PSCA: variants seen among roughly 807,000 people sequenced by gnomAD.
The protein encoded by PSCA is prostate stem cell antigen.
A neutral mutation model predicts 7.9 loss-of-function variants in PSCA; 7 were observed. The ratio of observed to expected loss-of-function variants is 0.89; its 90% confidence interval spans 0.51 to 1.67. The LOEUF is 1.67. PSCA is among the 40% of genes most tolerant of loss of function. The pLI, the probability that PSCA is intolerant of heterozygous loss-of-function variation, is 0.00. For synonymous variants in PSCA, 61 were observed against 68.3 expected, an observed-to-expected ratio of 0.89 and a Z score of 0.53; for missense variants, 151 against 147.9, an observed-to-expected ratio of 1.02 and a Z score of -0.11.
rs147044195 is a variant in PSCA at position 142,673,111 on chromosome 8, C to T, written n.261+2543C>T. On this transcript the variant is annotated intron_variant and non_coding_transcript_variant, in intron 1 of 1. Coordinates refer to the PSCA transcript ENST00000505305. This position sits in a 1 kb window ranked among gnomAD's most constrained non-coding sequence, Gnocchi z 4.6. The stretch of plus-strand genomic sequence containing the variant: ...GCTTGCTTGTCTTATGTTTGCGGCT[C>T]GATTTTACAGGCTGCTCTTTGTTAG... Among the ~76,000 whole-genome samples the T allele has an allele frequency of 1.8e-3, 274 of 152,228 alleles. 2 individuals are homozygous for T. The highest frequency in any genetic ancestry group is 2.7e-3 in the Non-Finnish European group (181 of 68,008).
At position 142,681,509 on chromosome 8, in the gene PSCA, C is replaced by A. The variant is rs782478466; in HGVS notation, c.133+75C>A. Reference sequence around the variant, plus strand: ...ATTAATCTTTCTGGCCATCTGTCCGCATCTGTGTGCTGTTTTCCTTCCACC... The same window carrying A: ...ATTAATCTTTCTGGCCATCTGTCCGAATCTGTGTGCTGTTTTCCTTCCACC... On this transcript the variant is annotated intron_variant, in intron 2 of 2. Transcript: ENST00000301258. 3 of 1,350,474 alleles carry A rather than the reference C, an allele frequency of 2.2e-6. No homozygotes were observed. The South Asian group carries it at 3.8e-5, about 17-fold the overall frequency. The allele number at this position is 1,350,474 out of a possible 1,614,324, so 83.7% of individuals were successfully genotyped here. A position where few individuals can be genotyped will look rare whatever the true frequency, so the allele number is the denominator to read the frequency against.
intron 1 of PSCA, among the ~76,000 whole-genome samples, chr8:142,672,799 A>G (rs1471560045): frequency 6.6e-6 from 1 of 152,238 alleles, no homozygotes; most frequent in African/African-American, 2.4e-5. Context: ...AGACCCCAGC[A>G]GATTTTATAG....
chr8:142,677,944 G>A (rs1037853176), upstream of PSCA, among the ~76,000 whole-genome samples: 3 of 152,144 alleles, frequency 2.0e-5, no homozygotes, highest in Non-Finnish European at 4.4e-5. Context: ...TGGAGCCCCG[G>A]GGGAAGCCCA....
upstream of PSCA, among the ~76,000 whole-genome samples, chr8:142,678,023 A>G (rs116789700): frequency 8.3e-3 from 1,265 of 152,162 alleles, 20 homozygotes; most frequent in African/African-American, 0.029. Flanking sequence ...CCCCATCAGT[A>G]GTGTCACCTT....
At position 142,673,090 on chromosome 8, in the gene PSCA, G is replaced by T. The variant is rs1354850982; in HGVS notation, n.261+2522G>T. Reference sequence around the variant, plus strand: ...ATTCACGCGTGCAAGCTTCCAGCTTGCTTGTCTTATGTTTGCGGCTCGATT... The same window carrying T: ...ATTCACGCGTGCAAGCTTCCAGCTTTCTTGTCTTATGTTTGCGGCTCGATT... On this transcript the variant is annotated intron_variant and non_coding_transcript_variant, in intron 1 of 1. Transcript: ENST00000505305. This position sits in a 1 kb window ranked among gnomAD's most constrained non-coding sequence, Gnocchi z 4.6. Among the ~76,000 whole-genome samples, 2 of 152,162 alleles carry T rather than the reference G, an allele frequency of 1.3e-5. No individual in the cohort carries two copies. Among genetic ancestry groups the T allele is most frequent in the African/African-American group, 2.4e-5 (1 of 41,432 alleles).
intron 1 of PSCA, among the ~76,000 whole-genome samples, chr8:142,672,721 G>A (rs1847348625): frequency 6.6e-6 from 1 of 152,198 alleles, no homozygotes; most frequent in African/African-American, 2.4e-5. Context: ...ATAGACAGAA[G>A]AAAGGAGAGA....
upstream of PSCA, among the ~76,000 whole-genome samples, chr8:142,678,546 G>A (rs1165717480): frequency 2.6e-5 from 4 of 152,380 alleles, no homozygotes; most frequent in South Asian, 6.2e-4. Context: ...ATGAGGGGGA[G>A]AGCACAGTGA....
chr8:142,682,646 A>G lies in PSCA; in HGVS notation c.*514A>G. 6 of 350,746 alleles carry G rather than the reference A, an allele frequency of 1.7e-5. No homozygotes were observed. The highest frequency in any genetic ancestry group is 1.3e-4 in the South Asian group (6 of 46,130). 21.7% of individuals were successfully genotyped at this position (350,746 alleles called of 1,614,324 possible). ...GCCTGGAGGCCTGGAGGAAGGGGCCAGGCCTCACATTCGTGGGGCTCCCTG... is the reference window on the plus strand; with the variant it reads ...GCCTGGAGGCCTGGAGGAAGGGGCCGGGCCTCACATTCGTGGGGCTCCCTG... On this transcript the variant is annotated 3_prime_UTR_variant, in exon 3 of 3. Coordinates refer to ENST00000301258, the MANE Select transcript of PSCA (RefSeq NM_005672.5).
upstream of PSCA, chr8:142,679,873 T>C (rs1847441452): frequency 6.6e-6 from 1 of 152,260 alleles, no homozygotes; most frequent in African/African-American, 2.4e-5. Flanking sequence ...GGAGGAGGGA[T>C]AATGAGGCTA....
At chr8:142,675,636 CA>C (rs768658597), upstream of PSCA, among the ~76,000 whole-genome samples, 10 of 152,228 alleles carry the variant, frequency 6.6e-5, no homozygotes, top group Non-Finnish European at 1.5e-4. Flanking sequence ...ATTTGATCCA[CA>C]TGCACAGACA....
upstream of PSCA, chr8:142,675,777 A>C (rs1274192691): frequency 6.6e-6 from 1 of 152,028 alleles, no homozygotes; most frequent in East Asian, 1.9e-4. Flanking sequence ...AATTTCCAGA[A>C]CCCAAATGGG....
rs12114626 is a variant in PSCA, at chr8:142,674,979, C to T, written n.261+4411C>T. ...TCTCCGAAGCCCATGGGTCATCCCC[C>T]GTGCCTGCTATTCCCTCTGCCTGGA... is the stretch of plus-strand genomic sequence containing the variant. On this transcript the variant is annotated intron_variant and non_coding_transcript_variant, in intron 1 of 1. Coordinates refer to the PSCA transcript ENST00000505305. Among the ~76,000 whole-genome samples the T allele has an allele frequency of 5.5e-3, 841 of 152,372 alleles. 7 individuals carry two copies. The highest frequency in any genetic ancestry group is 0.019 in the African/African-American group (801 of 41,596).
chr8:142,680,832 A>G, intron 1 of PSCA: 2 of 577,060 alleles, frequency 3.5e-6, no homozygotes, highest in Middle Eastern at 4.7e-4. Context: ...CCTGGCTCCT[A>G]GGGGGCAGGT....
At position 142,682,094 on chromosome 8, in the gene PSCA, G is replaced by A. The variant is rs782743721; in HGVS notation, c.307G>A (p.Ala103Thr). ...PAAAILALLP[A>T]LGLLLWGPGQ... is the part of the protein sequence containing the mutation. ...TGCTGCCATCCTTGCGCTGCTCCCT[G>A]CACTCGGCCTGCTGCTCTGGGGACC... Residue 103 changes from alanine to threonine, a missense_variant, in exon 3 of 3, where the codon GCA becomes ACA. By Grantham distance (58) the Ala-to-Thr change is moderately conservative. Transcript: ENST00000301258. 1.9e-6 allele frequency: 3 copies of A among 1,605,076 alleles called. No homozygotes were observed. Among genetic ancestry groups the A allele is most frequent in the East Asian group, 4.5e-5 (2 of 44,858 alleles).
chr8:142,680,244 T>A (rs2129870472), upstream of PSCA: 1 of 474,876 alleles, frequency 2.1e-6, no homozygotes, highest in South Asian at 3.1e-5. Flanking sequence ...GGGAGAGGCA[T>A]AATCTGGGTC....
chr8:142,670,907 T>C (rs1554637317), intron 1 of PSCA, among the ~76,000 whole-genome samples: 1 of 152,250 alleles, frequency 6.6e-6, no homozygotes, highest in East Asian at 1.9e-4. Flanking sequence ...AAATCCTTGA[T>C]GCTCAAATCC....
At chr8:142,670,833 C>G (rs1847309778) in intron 1 of PSCA, among the ~76,000 whole-genome samples, 1 of 152,132 alleles carries the variant, frequency 6.6e-6, no homozygotes, top group African/African-American at 2.4e-5. Context: ...TCAGGGTGAG[C>G]CCAATGTGCA....
At chr8:142,675,870 A>AAGATG (rs1330118178), upstream of PSCA, 3 of 152,248 alleles carry the variant, frequency 2.0e-5, no homozygotes, top group Non-Finnish European at 4.4e-5. Flanking sequence ...TTCCAAAGCA[A>AAGATG]AGATGCTAAA....
intron 1 of PSCA, among the ~76,000 whole-genome samples, chr8:142,672,740 G>C (rs1847348962): frequency 6.6e-6 from 1 of 152,204 alleles, no homozygotes; most frequent in South Asian, 2.1e-4. Context: ...GAAGAGAGCA[G>C]CCCTCTCTTT....
Sources: gnomAD v4.1 joint callset for allele counts (sites outside exome capture counted in the v4.1 genomes callset) on GRCh38, gnomAD v4.1.1 for gene constraint, Gnocchi (gnomAD v3.1) non-coding constraint, MANE v1.5 for transcripts, NCBI Gene and HGNC (gene_info 2026-07-23, HGNC 2026-07-21) for gene names.